The following LRMDA variants were observed in gnomAD, a reference collection of about 807,000 sequenced individuals.
LRMDA encodes the protein leucine rich melanocyte differentiation associated.
A neutral mutation model predicts 29.8 loss-of-function variants in LRMDA; 18 were observed. The ratio of observed to expected loss-of-function variants is 0.60; its 90% confidence interval spans 0.42 to 0.90. LRMDA has a LOEUF of 0.90. LRMDA is among the 40% of genes least tolerant of loss of function. The pLI is 0.00. For missense variants in LRMDA, 273 were observed against 273.9 expected (o/e 1.00, Z 0.02); for synonymous variants, 125 against 109.4 (o/e 1.14, Z -0.89).
intron 6 of LRMDA, among the ~76,000 whole-genome samples, chr10:76,459,872 C>T (rs1450675702): frequency 1.3e-5 from 2 of 152,066 alleles, no homozygotes; most frequent in Non-Finnish European, 2.9e-5. Context: ...AAAGGCTCAA[C>T]CCACAATTGT....
At chr10:75,519,967 G>T (rs1845337212) in intron 2 of LRMDA, among the ~76,000 whole-genome samples, 1 of 152,132 alleles carries the variant, frequency 6.6e-6, no homozygotes, top group Non-Finnish European at 1.5e-5. Flanking sequence ...TGAAATTCTG[G>T]GTTGAAAATT....
chr10:76,158,122 G>A (rs1358971435), intron 5 of LRMDA, among the ~76,000 whole-genome samples: 1 of 151,946 alleles, frequency 6.6e-6, no homozygotes, highest in African/African-American at 2.4e-5. Context: ...TTTCTATGAT[G>A]GCCTCAGAGC....
intron 5 of LRMDA, among the ~76,000 whole-genome samples, chr10:76,232,880 G>A (rs573245575): frequency 1.3e-5 from 2 of 152,314 alleles, no homozygotes; most frequent in South Asian, 4.1e-4. Context: ...AATGGGGAGT[G>A]TGTGCTGATT....
intron 6 of LRMDA, among the ~76,000 whole-genome samples, chr10:76,394,714 A>G (rs1339254663): frequency 6.6e-6 from 1 of 152,108 alleles, no homozygotes; most frequent in Non-Finnish European, 1.5e-5. Flanking sequence ...TACTATTCCT[A>G]CAGTGCTACT....
intron 6 of LRMDA, among the ~76,000 whole-genome samples, chr10:76,463,776 T>C (rs1289976828): frequency 6.6e-6 from 1 of 152,144 alleles, no homozygotes; most frequent in East Asian, 1.9e-4. Context: ...ATCTTGTCTA[T>C]GAGTTTGTCC....
intron 3 of LRMDA, among the ~76,000 whole-genome samples, chr10:76,043,433 G>C (rs1848374117): frequency 6.6e-6 from 1 of 152,090 alleles, no homozygotes; most frequent in Non-Finnish European, 1.5e-5. Flanking sequence ...ACCCTTAGGT[G>C]GGGATTCCCA....
At chr10:76,548,319 TTACCATTCTGTATTGAAGCA>T (rs202142341) in intron 6 of LRMDA, among the ~76,000 whole-genome samples, 9,615 of 152,136 alleles carry the variant, frequency 0.063, 413 homozygotes, top group African/African-American at 0.12. Flanking sequence ...AAAGAAAAGT[TTACCATTCTGTATTGAAGCA>T]TACTAGGCAG....
rs569823415 is a variant in LRMDA, at chr10:76,499,376, C to A, written c.602-57833C>A. Among the ~76,000 whole-genome samples, 49 of 74,552 alleles carry A rather than the reference C, an allele frequency of 6.6e-4. 20 individuals carry two copies. The highest frequency in any genetic ancestry group is 2.0e-3 in the Non-Finnish European group (44 of 22,534). 48.9% of individuals were successfully genotyped at this position (74,552 alleles called of 152,430 possible). On this transcript the variant is annotated intron_variant, in intron 6 of 6. Coordinates refer to ENST00000611255, the MANE Select transcript of LRMDA (RefSeq NM_001305581.2). The stretch of plus-strand genomic sequence containing the variant: ...GATCTTTTGTGCCTGGTGTCTTTCA[C>A]GTAGCATGTTTTCAAGGTTCATCAT...
At chr10:76,230,250 A>G (rs1852033664) in intron 5 of LRMDA, among the ~76,000 whole-genome samples, 1 of 152,202 alleles carries the variant, frequency 6.6e-6, no homozygotes, top group Admixed American at 6.5e-5. Context: ...TTGCTTCCAC[A>G]CATATTCAAG....
intron 5 of LRMDA, among the ~76,000 whole-genome samples, chr10:76,066,972 A>C (rs184107304): frequency 1.3e-3 from 196 of 152,340 alleles, no homozygotes; most frequent in African/African-American, 4.5e-3. Context: ...TGAGGCTGCC[A>C]CAGTGTTCCC....
At chr10:75,501,146 A>G (rs926539410) in intron 2 of LRMDA, among the ~76,000 whole-genome samples, 1 of 152,166 alleles carries the variant, frequency 6.6e-6, no homozygotes, top group Non-Finnish European at 1.5e-5. Context: ...GTGTTGGGAT[A>G]CTGTTTTGTT....
intron 6 of LRMDA, among the ~76,000 whole-genome samples, chr10:76,491,265 C>A (rs1412820016): frequency 1.3e-5 from 2 of 151,836 alleles, no homozygotes; most frequent in Non-Finnish European, 2.9e-5. Flanking sequence ...TTAGTAAGAC[C>A]AGTGAGTTTT....
At chr10:75,593,929 CG>C (rs1203651894) in intron 2 of LRMDA, among the ~76,000 whole-genome samples, 1 of 152,202 alleles carries the variant, frequency 6.6e-6, no homozygotes, top group Non-Finnish European at 1.5e-5. Context: ...GCTGCTGCCG[CG>C]GGATGATCCT....
intron 2 of LRMDA, among the ~76,000 whole-genome samples, chr10:75,885,651 G>A (rs1384043350): frequency 5.3e-5 from 8 of 152,208 alleles, no homozygotes; most frequent in African/African-American, 1.9e-4. Context: ...TGAGGCCAGG[G>A]GCCATGTGTC....
At chr10:76,485,047 A>G (rs905581077) in intron 6 of LRMDA, among the ~76,000 whole-genome samples, 17 of 151,842 alleles carry the variant, frequency 1.1e-4, no homozygotes, top group Admixed American at 6.6e-4. Flanking sequence ...TAGTTTTTCT[A>G]TAGACCACAT....
chr10:75,481,564 C>T (rs185821245), intron 2 of LRMDA, among the ~76,000 whole-genome samples: 2 of 152,314 alleles, frequency 1.3e-5, no homozygotes, highest in East Asian at 1.9e-4. Flanking sequence ...TCCAAGCCAT[C>T]GTCATCTGTC....
chr10:75,674,262 G>A (rs1367718742), intron 2 of LRMDA, among the ~76,000 whole-genome samples: 3 of 152,298 alleles, frequency 2.0e-5, no homozygotes, highest in South Asian at 2.1e-4. Flanking sequence ...GGGGAGATAA[G>A]TTTAACAGGG....
At chr10:75,830,815 G>A (rs541831372) in intron 2 of LRMDA, among the ~76,000 whole-genome samples, 107 of 152,214 alleles carry the variant, frequency 7.0e-4, no homozygotes, top group African/African-American at 2.5e-3. Context: ...GTCCCCCAAA[G>A]TCTTAACTCA....
chr10:76,178,324 G>A (rs982247948), intron 5 of LRMDA, among the ~76,000 whole-genome samples: 1 of 152,186 alleles, frequency 6.6e-6, no homozygotes, highest in African/African-American at 2.4e-5. Context: ...AGGCTTCTTG[G>A]TGCAAATCTC....
Sources: allele counts gnomAD v4.1 joint callset (sites outside exome capture counted in the v4.1 genomes callset), GRCh38; gene constraint gnomAD v4.1.1; transcripts MANE v1.5; gene names NCBI Gene and HGNC (gene_info 2026-07-23, HGNC 2026-07-21).